COP1: variants seen among roughly 807,000 people sequenced by gnomAD.
The protein encoded by COP1 is COP1 E3 ubiquitin ligase.
Under a neutral mutation model 101.3 loss-of-function variants are expected in COP1, and 24 were observed. That is an observed-to-expected ratio of 0.24 (90% CI 0.17 to 0.33). COP1 has a LOEUF of 0.33. COP1 is among the 10% of genes least tolerant of loss of function. The pLI is 1.00. For synonymous variants in COP1, 347 were observed against 341.9 expected (o/e 1.01, Z -0.17); for missense variants, 663 against 906.2 (o/e 0.73, Z 3.45).
chr1:175,998,191 C>G (rs1384716825), intron 15 of COP1, among the ~76,000 whole-genome samples: 1 of 148,874 alleles, frequency 6.7e-6, no homozygotes, highest in East Asian at 2.0e-4. Flanking sequence ...AATCATCATT[C>G]TCAGTAAACT....
intron 14 of COP1, among the ~76,000 whole-genome samples, chr1:176,032,944 C>G (rs1668874727): frequency 6.6e-6 from 1 of 152,026 alleles, no homozygotes; most frequent in Non-Finnish European, 1.5e-5. Context: ...AGGTAATTGC[C>G]TCTAAAGTTA....
At position 176,082,040 on chromosome 1, in the gene COP1, G is replaced by A. The variant is rs148600012; in HGVS notation, c.1142-753C>T. Among the ~76,000 whole-genome samples the A allele has an allele frequency of 2.6e-3, 400 of 152,226 alleles. 3 individuals are homozygous for A. The highest frequency in any genetic ancestry group is 9.2e-3 in the African/African-American group (382 of 41,548). ...TAAATCATGTGGAATTTAAAACATA[G>A]TATCAGTTTACGAAGTACCTGAGAA... On this transcript the variant is annotated intron_variant, in intron 10 of 19. Transcript: ENST00000367669.
At chr1:176,007,891 T>G (rs1179411734) in intron 15 of COP1, among the ~76,000 whole-genome samples, 1 of 152,258 alleles carries the variant, frequency 6.6e-6, no homozygotes, top group Non-Finnish European at 1.5e-5. Context: ...GCTTCCTGGC[T>G]GCTTTGTTTA....
intron 2 of COP1, among the ~76,000 whole-genome samples, chr1:176,179,247 G>A (rs61821055): frequency 0.059 from 8,726 of 148,782 alleles, 374 homozygotes; most frequent in Middle Eastern, 0.13. Flanking sequence ...CCAAGATCAC[G>A]CCATTGCACT....
intron 15 of COP1, among the ~76,000 whole-genome samples, chr1:176,005,662 T>C (rs1483140096): frequency 6.6e-6 from 1 of 152,210 alleles, no homozygotes; most frequent in Non-Finnish European, 1.5e-5. Flanking sequence ...TTGAGCGGTT[T>C]TGAGTGAGAT....
At chr1:176,028,321 T>C (rs1450282411) in intron 14 of COP1, among the ~76,000 whole-genome samples, 2 of 151,836 alleles carry the variant, frequency 1.3e-5, no homozygotes, top group Non-Finnish European at 2.9e-5. Context: ...TCACAGCACT[T>C]TGGGAGGCTG....
At chr1:176,101,056 T>A (rs1057108957) in intron 9 of COP1, among the ~76,000 whole-genome samples, 1 of 152,278 alleles carries the variant, frequency 6.6e-6, no homozygotes, top group South Asian at 2.1e-4. Flanking sequence ...CTACTATCCA[T>A]GGCATAAATA....
intron 18 of COP1, among the ~76,000 whole-genome samples, chr1:175,983,385 A>G (rs1056887582): frequency 1.3e-5 from 2 of 152,142 alleles, no homozygotes; most frequent in African/African-American, 4.8e-5. Context: ...TCCCTGTACA[A>G]GTTTTCTTCT....
rs575399607 is a variant in COP1, at chr1:176,117,176, T to TA, written c.969-496dup. On this transcript the variant is annotated intron_variant, in intron 8 of 19. Transcript: ENST00000367669. The stretch of plus-strand genomic sequence containing the variant: ...TGAGGTGATGTAGGCTAGCTATTTA[T>TA]ATATCATCTAGAGTCCCTCCCAGCT... Among the ~76,000 whole-genome samples, 53 of 152,346 alleles carry TA rather than the reference T, an allele frequency of 3.5e-4. No homozygotes were observed. In the East Asian group the frequency reaches 7.3e-3, roughly 21 times the overall value.
intron 8 of COP1, chr1:176,133,838 T>C (rs2481662): frequency 0.31 from 142,451 of 453,478 alleles, 24,311 homozygotes; most frequent in East Asian, 0.51. Context: ...CTTCCCTGTA[T>C]GTACTTACAT....
chr1:175,949,764 G>A (rs570811415), intron 18 of COP1, among the ~76,000 whole-genome samples: 1 of 152,172 alleles, frequency 6.6e-6, no homozygotes, highest in East Asian at 1.9e-4. Flanking sequence ...AAAGCCGAAA[G>A]CTCCATCTCC....
intron 8 of COP1, among the ~76,000 whole-genome samples, chr1:176,126,773 T>C (rs1304445129): frequency 5.3e-5 from 8 of 152,154 alleles, no homozygotes; most frequent in Non-Finnish European, 1.2e-4. Flanking sequence ...TTTTTAAGTA[T>C]CAACTGAAAT....
chr1:176,073,646 T>C (rs192140730), intron 11 of COP1, among the ~76,000 whole-genome samples: 10 of 152,364 alleles, frequency 6.6e-5, no homozygotes, highest in South Asian at 2.1e-4. Flanking sequence ...CTTCTACTTA[T>C]GAGAGTGAAC....
At chr1:176,027,528 T>G in intron 15 of COP1, 44 bp downstream of exon 15, 1 of 1,127,548 alleles carries the variant, frequency 8.9e-7, no homozygotes, top group South Asian at 1.2e-5. Context: ...TACCATGATA[T>G]TTAACCAACA....
rs1257906271 is a variant in COP1, at chr1:176,003,958, G to C, written c.1730-14479C>G. 1.8e-3 allele frequency among the ~76,000 whole-genome samples: 273 copies of C among 151,758 alleles called. 1 individual carries two copies. Among genetic ancestry groups the C allele is most frequent in the African/African-American group, 6.2e-3 (254 of 41,248 alleles). On this transcript the variant is annotated intron_variant, in intron 15 of 19. Transcript: ENST00000367669. ...ACCCTGGGCAGTATGGCCATTTTCA[G>C]GATATTGATTCTTCCAACCCATGAG...
intron 15 of COP1, among the ~76,000 whole-genome samples, chr1:176,003,923 T>A (rs561395106): frequency 6.6e-6 from 1 of 152,220 alleles, no homozygotes; most frequent in South Asian, 2.1e-4. Flanking sequence ...TGGCATTGAA[T>A]CTGTAAATTA....
intron 14 of COP1, among the ~76,000 whole-genome samples, chr1:176,037,491 CAA>C (rs1381658688): frequency 2.0e-5 from 3 of 148,196 alleles, no homozygotes; most frequent in African/African-American, 7.4e-5. Flanking sequence ...ACCCTGATAT[CAA>C]AGTCACGAAA....
intron 8 of COP1, among the ~76,000 whole-genome samples, chr1:176,130,824 T>C (rs1288224163): frequency 6.6e-6 from 1 of 151,794 alleles, no homozygotes; most frequent in Non-Finnish European, 1.5e-5. Flanking sequence ...ATGGAAAACA[T>C]GTATTTTTTC....
intron 11 of COP1, among the ~76,000 whole-genome samples, chr1:176,065,707 T>TTG (rs1675816516): frequency 7.6e-6 from 1 of 130,978 alleles, no homozygotes; most frequent in East Asian, 2.1e-4. Context: ...GATAATGATT[T>TTG]TTTTTTTTTT....
Sources: gnomAD v4.1 joint callset for allele counts (sites outside exome capture counted in the v4.1 genomes callset) on GRCh38, gnomAD v4.1.1 for gene constraint, MANE v1.5 for transcripts, NCBI Gene and HGNC (gene_info 2026-07-23, HGNC 2026-07-21) for gene names.